Variants in LTBP2 observed in about 807,000 individuals in gnomAD.
The protein encoded by LTBP2 is latent-transforming growth factor beta-binding protein 2.
LTBP2 carries 103 observed loss-of-function variants against 210.6 expected under a neutral mutation model. The ratio of observed to expected loss-of-function variants is 0.49; its 90% CI spans 0.42 to 0.58. The LOEUF (loss-of-function observed/expected upper bound fraction) is 0.58. Ranked by LOEUF, LTBP2 falls within the 20% of genes least tolerant of loss-of-function variation. The pLI, the probability that LTBP2 is intolerant of heterozygous loss-of-function variation, is 0.00. For synonymous variants in LTBP2, 1,007 were observed against 1,015.0 expected, an observed-to-expected ratio of 0.99 and a Z score of 0.15; for missense variants, 2,313 against 2,494.5, an observed-to-expected ratio of 0.93 and a Z score of 1.55.
chr14:74,549,284 C>T (rs2139743413), intron 8 of LTBP2, among the ~76,000 whole-genome samples: 1 of 150,982 alleles, frequency 6.6e-6, no homozygotes. Flanking sequence ...GTCCTTGGCA[C>T]ATACAAGGCA....
intron 2 of LTBP2, among the ~76,000 whole-genome samples, chr14:74,592,352 T>C (rs901714020): frequency 1.3e-5 from 2 of 152,178 alleles, no homozygotes; most frequent in African/African-American, 2.4e-5. Context: ...TGGAGTTTGA[T>C]GCCTCCAATT....
intron 24 of LTBP2, among the ~76,000 whole-genome samples, 155 bp from the exon 25 acceptor site, chr14:74,508,250 T>G (rs1595241735): frequency 6.7e-6 from 1 of 148,414 alleles, no homozygotes; most frequent in African/African-American, 2.5e-5. Context: ...CTGTGGGAGG[T>G]GGGCACCGGG....
chr14:74,585,400 A>G (rs2088190402), intron 3 of LTBP2, among the ~76,000 whole-genome samples: 2 of 152,216 alleles, frequency 1.3e-5, no homozygotes, highest in Admixed American at 1.3e-4. Flanking sequence ...TGTTCTAAGC[A>G]CTTTCTTTAT....
rs1453316587 is a variant in LTBP2, at chr14:74,500,096, C to G, written c.*788G>C. 5 of 233,080 alleles carry G rather than the reference C, an allele frequency of 2.1e-5. No individual in the cohort carries two copies. The highest frequency in any genetic ancestry group is 1.1e-4 in the African/African-American group (5 of 45,320). The allele number at this position is 233,080 out of a possible 1,614,324, so 14.4% of individuals were successfully genotyped here. On this transcript the variant is annotated 3_prime_UTR_variant, in exon 36 of 36. Coordinates refer to ENST00000261978, the MANE Select transcript of LTBP2 (RefSeq NM_000428.3). ...TGGCAGCCCTTGCTGCTGGTGCCCA[C>G]AGGCTATCACTGGGCGGATTCAGCT...
chr14:74,525,716 G>A (rs1198413159), intron 14 of LTBP2, among the ~76,000 whole-genome samples: 1 of 152,244 alleles, frequency 6.6e-6, no homozygotes, highest in East Asian at 1.9e-4. Flanking sequence ...TGACAGGCAA[G>A]TAGTGGTTTC....
chr14:74,608,803 G>A (rs1367866707), intron 1 of LTBP2, among the ~76,000 whole-genome samples: 3 of 151,906 alleles, frequency 2.0e-5, no homozygotes, highest in Non-Finnish European at 4.4e-5. Flanking sequence ...TTTCATTAGC[G>A]TAGGGACGGT....
At position 74,586,140 on chromosome 14, in the gene LTBP2, T is replaced by C. The variant is rs1432035612; in HGVS notation, c.566-22A>G. On this transcript the variant is annotated intron_variant, in intron 2 of 35. Transcript: ENST00000261978. This position sits in a 1 kb window ranked among gnomAD's most constrained non-coding sequence, Gnocchi z 4.6. ...ACGGCTGAGGACACAGGGAGAGAGG[T>C]GACAGCAGTGGCCATAGGGCACTGA... is the stretch of plus-strand genomic sequence containing the variant. The C allele has an allele frequency of 5.7e-6, 9 of 1,582,474 alleles. No homozygotes were observed. The highest frequency in any genetic ancestry group is 7.7e-6 in the Non-Finnish European group (9 of 1,165,778).
At chr14:74,588,780 A>C (rs1048313400) in intron 2 of LTBP2, among the ~76,000 whole-genome samples, 5 of 152,128 alleles carry the variant, frequency 3.3e-5, no homozygotes, top group Non-Finnish European at 5.9e-5. Context: ...TATGATTCCC[A>C]TTTTACAGAT....
chr14:74,602,237 G>A (rs551774079), intron 2 of LTBP2, among the ~76,000 whole-genome samples: 2 of 152,318 alleles, frequency 1.3e-5, no homozygotes, highest in African/African-American at 2.4e-5. Context: ...CAAGCAACCC[G>A]AGCTTCAGCT....
At position 74,502,601 on chromosome 14, in the gene LTBP2, A is replaced by G. The variant is rs746001895; in HGVS notation, c.5170+52T>C. 5 of 1,612,914 alleles carry G rather than the reference A, an allele frequency of 3.1e-6. No individual in the cohort carries two copies. In the Middle Eastern group the frequency reaches 4.9e-4, roughly 160 times the overall value. On this transcript the variant is annotated intron_variant, in intron 34 of 35. Transcript: ENST00000261978. ...ATGACTAGCAGGTGGAGGAGATGGA[A>G]GTGAAACAGCTTTGGTGCCCACCTC...
At chr14:74,573,797 C>A (rs2088017389) in intron 3 of LTBP2, among the ~76,000 whole-genome samples, 1 of 152,182 alleles carries the variant, frequency 6.6e-6, no homozygotes, top group Admixed American at 6.5e-5. Context: ...GAGTACTGAG[C>A]ACTTACCTAT....
At chr14:74,540,848 T>TTA (rs373657989) in intron 8 of LTBP2, among the ~76,000 whole-genome samples, 48,064 of 68,718 alleles carry the variant, frequency 0.7, 17,634 homozygotes, top group Middle Eastern at 0.85. Context: ...TTTATATATA[T>TTA]TATATATATT....
chr14:74,594,538 C>T (rs1176498607), intron 2 of LTBP2, among the ~76,000 whole-genome samples: 1 of 152,230 alleles, frequency 6.6e-6, no homozygotes, highest in African/African-American at 2.4e-5. Context: ...GGCCGGGGCC[C>T]TGTCCCCTTT....
At chr14:74,568,200 G>A (rs1354850671) in intron 3 of LTBP2, among the ~76,000 whole-genome samples, 1 of 152,192 alleles carries the variant, frequency 6.6e-6, no homozygotes, top group African/African-American at 2.4e-5. Flanking sequence ...TGGCCCCAGG[G>A]TTCATCTCCT....
rs201950933 is a variant in LTBP2, at chr14:74,585,959, C to A, written c.725G>T (p.Arg242Leu). 6.2e-7 allele frequency: 1 copy of A among 1,613,694 alleles called. No individual in the cohort carries two copies. Among genetic ancestry groups the A allele is most frequent in the Middle Eastern group, 1.7e-4 (1 of 6,056 alleles). The change falls in exon 3 of 36, where the codon CGT (arginine) becomes CTT (leucine). Residue 242 changes from arginine to leucine, a missense_variant. Physicochemically the swap from Arg to Leu is moderately radical, Grantham distance 102. Around this residue, in one of 3 missense-constraint regions of LTBP2, gnomAD observed 1,867 missense variants for 1,976.9 expected, o/e 0.94. Transcript: ENST00000261978. ...ACTGCTCCTGCGCAGGTTGGGTGAA[C>A]GCTCGGCCCAGCGTCGAGGTGCCAG... Reference protein sequence around the residue: ...SRLAPRRWAERSPNLRRSSAA... With the variant: ...SRLAPRRWAELSPNLRRSSAA...
chr14:74,507,038 T>C, intron 26 of LTBP2, 141 bp downstream of exon 26: 1 of 1,549,142 alleles, frequency 6.5e-7, no homozygotes. Flanking sequence ...GCATCTTTCA[T>C]AAGCTCTGCT....
chr14:74,540,926 T>A (rs2087499122), intron 8 of LTBP2, among the ~76,000 whole-genome samples: 1 of 16,384 alleles, frequency 6.1e-5, no homozygotes, highest in Non-Finnish European at 5.6e-4. Flanking sequence ...TATATATAGG[T>A]TATATATATA....
chr14:74,540,425 A>T (rs573021607), intron 8 of LTBP2, among the ~76,000 whole-genome samples: 2 of 151,946 alleles, frequency 1.3e-5, no homozygotes, highest in African/African-American at 4.8e-5. Flanking sequence ...GTGAGTCGAG[A>T]TCATGCCTCT....
Position 74,527,227 on chromosome 14 carries a change from C to A in LTBP2, c.2388+120G>T, listed in dbSNP as rs1161748795. On this transcript the variant is annotated intron_variant, in intron 13 of 35. Transcript: ENST00000261978. ...GGTCATCTCTTCAAGTAAAATCTAACAGATACTCCATCTTTCTCCCTCTCC... is the reference window on the plus strand; with the variant it reads ...GGTCATCTCTTCAAGTAAAATCTAAAAGATACTCCATCTTTCTCCCTCTCC... 1.6e-5 allele frequency: 20 copies of A among 1,279,950 alleles called. No homozygotes were observed. In the East Asian group the frequency reaches 4.0e-4, roughly 26 times the overall value. 79.3% of individuals were successfully genotyped at this position (1,279,950 alleles called of 1,614,324 possible).
Sources: allele counts gnomAD v4.1 joint callset (sites outside exome capture counted in the v4.1 genomes callset), GRCh38; gene constraint gnomAD v4.1.1; regional missense constraint gnomAD v4.1.1; non-coding constraint Gnocchi (gnomAD v3.1); transcripts MANE v1.5; gene names NCBI Gene and HGNC (gene_info 2026-07-23, HGNC 2026-07-21).